ENOX1: variants seen among roughly 807,000 people sequenced by gnomAD.
ENOX1 encodes candidate growth-related and time keeping constitutive hydroquinone (NADH) oxidase.
Under a neutral mutation model 82.5 loss-of-function variants are expected in ENOX1, and 42 were observed. The ratio of observed to expected loss-of-function variants is 0.51; its 90% CI spans 0.40 to 0.66. The LOEUF (loss-of-function observed/expected upper bound fraction) is 0.66, where lower values mean the gene tolerates loss of function less well. Among genes scored for constraint, ENOX1 ranks in the 30% least tolerant of loss-of-function variants. The pLI is 0.00. For missense variants in ENOX1, 608 were observed against 811.6 expected (o/e 0.75, Z 3.05); for synonymous variants, 271 against 282.2 (o/e 0.96, Z 0.40).
At chr13:43,692,641 A>C (rs987320352) in intron 1 of ENOX1, among the ~76,000 whole-genome samples, 2 of 152,186 alleles carry the variant, frequency 1.3e-5, no homozygotes, top group Non-Finnish European at 2.9e-5. Flanking sequence ...CTATTAGAAA[A>C]AGCAAAACAA....
intron 1 of ENOX1, among the ~76,000 whole-genome samples, chr13:43,785,632 A>G (rs1952530213): frequency 1.3e-5 from 2 of 152,288 alleles, no homozygotes; most frequent in Admixed American, 1.3e-4. Flanking sequence ...TATCTGGGTG[A>G]AGAAGCGTGG....
At chr13:43,590,775 C>CAA (rs35099290) in intron 2 of ENOX1, among the ~76,000 whole-genome samples, 27,688 of 130,306 alleles carry the variant, frequency 0.21, 3,705 homozygotes, top group Non-Finnish European at 0.3. Context: ...AACTTCATCT[C>CAA]AAAAAAAAAA....
At chr13:43,593,799 T>C (rs1182973500) in intron 2 of ENOX1, among the ~76,000 whole-genome samples, 1 of 152,082 alleles carries the variant, frequency 6.6e-6, no homozygotes, top group African/African-American at 2.4e-5. Flanking sequence ...TTTCTTAACT[T>C]ATCCTTCTTC....
chr13:43,641,553 T>TTTTTTG (rs869216923), intron 2 of ENOX1, among the ~76,000 whole-genome samples: 1 of 144,402 alleles, frequency 6.9e-6, no homozygotes, highest in Non-Finnish European at 1.5e-5. Flanking sequence ...TTTTTTTTTT[T>TTTTTTG]GAGACAGAGT....
chr13:43,646,531 C>T (rs144940389), intron 2 of ENOX1, among the ~76,000 whole-genome samples: 179 of 152,272 alleles, frequency 1.2e-3, no homozygotes, highest in African/African-American at 3.7e-3. Flanking sequence ...TGAAGACAAG[C>T]GCAGGAGTCT....
At chr13:43,614,939 A>G (rs1246067358) in intron 2 of ENOX1, among the ~76,000 whole-genome samples, 1 of 152,192 alleles carries the variant, frequency 6.6e-6, no homozygotes, top group African/African-American at 2.4e-5. Flanking sequence ...CATGCATTTT[A>G]ACAAGATCTC....
intron 1 of ENOX1, among the ~76,000 whole-genome samples, chr13:43,735,581 C>G (rs944940218): frequency 6.6e-6 from 1 of 152,004 alleles, no homozygotes; most frequent in Non-Finnish European, 1.5e-5. Flanking sequence ...ATTAGCTGGG[C>G]CTGGCAGCGT....
intron 16 of ENOX1, among the ~76,000 whole-genome samples, chr13:43,217,084 C>T (rs1367808012): frequency 6.6e-6 from 1 of 152,154 alleles, no homozygotes; most frequent in African/African-American, 2.4e-5. Flanking sequence ...GACCAGACCT[C>T]CTGGCTGTGG....
At chr13:43,326,356 A>G (rs1413613481) in intron 10 of ENOX1, 63 bp downstream of exon 10, 1 of 1,411,294 alleles carries the variant, frequency 7.1e-7, no homozygotes, top group Non-Finnish European at 1.0e-6. Context: ...GGCTGCAGCC[A>G]TGCTATTCTC....
chr13:43,583,322 T>C (rs2080835332), intron 2 of ENOX1, among the ~76,000 whole-genome samples: 1 of 152,196 alleles, frequency 6.6e-6, no homozygotes, highest in Non-Finnish European at 1.5e-5. Context: ...ATTTATTTTA[T>C]TCAGGAATGT....
intron 5 of ENOX1, among the ~76,000 whole-genome samples, chr13:43,370,133 T>C (rs58153182): frequency 0.054 from 8,291 of 152,250 alleles, 789 homozygotes; most frequent in African/African-American, 0.19. Flanking sequence ...TTTGGGAGGC[T>C]GAGGCAGGTG....
rs75463569 is a variant in ENOX1 at position 43,609,152 on chromosome 13, A to G, written c.-219+58327T>C. ...ATTTTTCCTGTCTCTGTGTCTTTTT[A>G]CGATCAGGTGGATATACATAGGTAC... On this transcript the variant is annotated intron_variant, in intron 2 of 16. Transcript: ENST00000690772. Among the ~76,000 whole-genome samples, 141 of 152,254 alleles carry G rather than the reference A, an allele frequency of 9.3e-4. 2 individuals carry two copies. In the East Asian group the frequency reaches 0.027, roughly 29 times the overall value.
intron 3 of ENOX1, among the ~76,000 whole-genome samples, chr13:43,467,762 T>C (rs2057801377): frequency 6.6e-6 from 1 of 152,222 alleles, no homozygotes; most frequent in South Asian, 2.1e-4. Context: ...TTTATACCTA[T>C]GTTTCCTTAT....
chr13:43,779,597 T>C (rs898987336), intron 1 of ENOX1, among the ~76,000 whole-genome samples: 1 of 152,194 alleles, frequency 6.6e-6, no homozygotes, highest in Non-Finnish European at 1.5e-5. Context: ...AAGATGTCCA[T>C]TCAGTGGGTC....
chr13:43,661,557 G>C (rs1182389557), intron 2 of ENOX1, among the ~76,000 whole-genome samples: 1 of 152,208 alleles, frequency 6.6e-6, no homozygotes. Context: ...TTCAAAAAAT[G>C]TAATCTGCCA....
chr13:43,626,656 C>G (rs1442129289), intron 2 of ENOX1, among the ~76,000 whole-genome samples: 2 of 151,838 alleles, frequency 1.3e-5, no homozygotes, highest in Non-Finnish European at 3.0e-5. Flanking sequence ...AGAGAACATA[C>G]TCTATACGGT....
intron 5 of ENOX1, among the ~76,000 whole-genome samples, chr13:43,396,325 T>A (rs994527317): frequency 6.6e-6 from 1 of 152,204 alleles, no homozygotes; most frequent in African/African-American, 2.4e-5. Flanking sequence ...GCTCTCTGCA[T>A]CCATTAAAGA....
intron 8 of ENOX1, among the ~76,000 whole-genome samples, chr13:43,349,478 T>C (rs1423315410): frequency 6.6e-6 from 1 of 152,258 alleles, no homozygotes; most frequent in African/African-American, 2.4e-5. Flanking sequence ...TTTCTGGTTA[T>C]TTCAGACTTT....
rs143745138 is a variant in ENOX1 at position 43,589,406 on chromosome 13, A to G, written c.-219+78073T>C. 3.2e-3 allele frequency among the ~76,000 whole-genome samples: 481 copies of G among 152,224 alleles called. 1 individual carries two copies. The highest frequency in any genetic ancestry group is 5.6e-3 in the Non-Finnish European group (378 of 68,016). ...CCCTGCCTACTCTCAGGATAAATAT[A>G]GCAAGAAAATAATTGTCTCCCCTCA... On this transcript the variant is annotated intron_variant, in intron 2 of 16. Transcript: ENST00000690772.
Sources: allele counts gnomAD v4.1 joint callset (sites outside exome capture counted in the v4.1 genomes callset), GRCh38; gene constraint gnomAD v4.1.1; transcripts MANE v1.5; gene names NCBI Gene and HGNC (gene_info 2026-07-23, HGNC 2026-07-21).